Variants in PLEKHG1 observed in about 807,000 individuals in gnomAD.
PLEKHG1 encodes pleckstrin homology and RhoGEF domain containing G1.
A neutral mutation model predicts 100.8 loss-of-function variants in PLEKHG1; 44 were observed. The ratio of observed to expected loss-of-function variants is 0.44; its 90% CI spans 0.34 to 0.56. The LOEUF is 0.56. Among genes scored for constraint, PLEKHG1 ranks in the 20% least tolerant of loss-of-function variants. PLEKHG1 has a pLI of 0.01. For missense variants in PLEKHG1, 1,545 were observed against 1,720.9 expected (o/e 0.90, Z 1.81); for synonymous variants, 640 against 662.5 (o/e 0.97, Z 0.52).
chr6:150,779,062 A>G (rs181602086), intron 3 of PLEKHG1, among the ~76,000 whole-genome samples: 2 of 152,310 alleles, frequency 1.3e-5, no homozygotes, highest in East Asian at 1.9e-4. Context: ...GACTGTGGCC[A>G]TGCATTATTG....
At chr6:150,698,621 A>G (rs1780645140) in intron 3 of PLEKHG1, among the ~76,000 whole-genome samples, 1 of 152,330 alleles carries the variant, frequency 6.6e-6, no homozygotes, top group Middle Eastern at 3.4e-3. Flanking sequence ...GAAATGAAAC[A>G]AAACACAAGT....
intron 10 of PLEKHG1, among the ~76,000 whole-genome samples, chr6:150,813,602 C>G (rs115239579): frequency 0.023 from 3,530 of 152,226 alleles, 137 homozygotes; most frequent in African/African-American, 0.08. Context: ...GGAAAACCAG[C>G]TGGCGACAGA....
At chr6:150,814,960 T>G (rs1787777979) in intron 10 of PLEKHG1, among the ~76,000 whole-genome samples, 1 of 152,156 alleles carries the variant, frequency 6.6e-6, no homozygotes, top group Non-Finnish European at 1.5e-5. Context: ...CCTCAAGTGA[T>G]CCACCTGCCT....
At chr6:150,693,601 C>G (rs913160455) in intron 3 of PLEKHG1, among the ~76,000 whole-genome samples, 1 of 152,228 alleles carries the variant, frequency 6.6e-6, no homozygotes, top group Non-Finnish European at 1.5e-5. Flanking sequence ...ACCACTCCCC[C>G]ATGTGTTTCG....
chr6:150,717,204 G>A (rs1174928105), upstream of PLEKHG1, among the ~76,000 whole-genome samples: 3 of 150,786 alleles, frequency 2.0e-5, no homozygotes, highest in African/African-American at 7.3e-5. Flanking sequence ...GCTAATTTTT[G>A]TATTTTTTTT....
At chr6:150,655,707 C>CAAAA (rs775753925) in intron 3 of PLEKHG1, among the ~76,000 whole-genome samples, 21 of 38,340 alleles carry the variant, frequency 5.5e-4, no homozygotes, top group African/African-American at 1.4e-3. Context: ...GACTCCATCT[C>CAAAA]AAAAAAAAAA....
At chr6:150,663,037 A>ATGCTGACCTGCTGACCTGCTGACC (rs79245057) in intron 3 of PLEKHG1, 1 of 151,770 alleles carries the variant, frequency 6.6e-6, no homozygotes, top group Non-Finnish European at 1.5e-5. Context: ...TTGACATGAA[A>ATGCTGACCTGCTGACCTGCTGACC]TGCTGACCTG....
exon 10 of PLEKHG1, chr6:150,809,734 G>C: frequency 3.1e-6 from 5 of 1,607,900 alleles, no homozygotes; most frequent in Non-Finnish European, 4.3e-6. Context: ...TTCCAGCTAA[G>C]GTAGGACACT....
intron 3 of PLEKHG1, among the ~76,000 whole-genome samples, chr6:150,691,139 A>G (rs1326652522): frequency 6.6e-6 from 1 of 152,232 alleles, no homozygotes; most frequent in Non-Finnish European, 1.5e-5. Flanking sequence ...TTCACTTGGT[A>G]TAGTATTTTC....
At position 150,795,845 on chromosome 6, in the gene PLEKHG1, T is replaced by C; in HGVS notation, c.583-11T>C. 1.9e-6 allele frequency: 3 copies of C among 1,581,104 alleles called. No individual in the cohort carries two copies. The South Asian group carries it at 3.4e-5, about 18-fold the overall frequency. On this transcript the variant is annotated splice_polypyrimidine_tract_variant and intron_variant, in intron 4 of 15. Coordinates refer to ENST00000358517, the Ensembl canonical transcript of PLEKHG1. ...TTGTTGCCTATAAAAATTTCTTTTG[T>C]TTCCTTGCAGAGTGAAGAGTTCCAC...
exon 16 of PLEKHG1, chr6:150,840,321 T>C: frequency 6.2e-7 from 1 of 1,614,192 alleles, no homozygotes; most frequent in Non-Finnish European, 8.5e-7. Context: ...ATCAATGGAT[T>C]CCATCAACTA....
chr6:150,668,556 C>G (rs747471616), intron 3 of PLEKHG1, among the ~76,000 whole-genome samples: 1 of 152,134 alleles, frequency 6.6e-6, no homozygotes, highest in East Asian at 1.9e-4. Context: ...TTTGATCTGT[C>G]GAAACATAGT....
intron 1 of PLEKHG1, among the ~76,000 whole-genome samples, chr6:150,603,091 A>AAAAAG (rs1315270419): frequency 1.6e-5 from 2 of 128,226 alleles, no homozygotes; most frequent in Non-Finnish European, 3.7e-5. Flanking sequence ...AAAAAAAAAA[A>AAAAAG]AATAAAAAAA....
intron 14 of PLEKHG1, among the ~76,000 whole-genome samples, chr6:150,824,740 C>T (rs544643805): frequency 1.5e-4 from 23 of 152,152 alleles, no homozygotes; most frequent in South Asian, 1.2e-3. Context: ...AAGTTGGCAA[C>T]GCCAGTCTGG....
intron 10 of PLEKHG1, among the ~76,000 whole-genome samples, chr6:150,812,257 G>A (rs767085810): frequency 5.3e-5 from 8 of 152,138 alleles, no homozygotes; most frequent in Non-Finnish European, 1.2e-4. Flanking sequence ...GGCAGTAATT[G>A]AAGCCCTAAG....
intron 3 of PLEKHG1, among the ~76,000 whole-genome samples, chr6:150,689,980 C>T (rs946561267): frequency 6.6e-6 from 1 of 152,090 alleles, no homozygotes; most frequent in South Asian, 2.1e-4. Flanking sequence ...TTGTTTCCCA[C>T]TCCATAGAAT....
At chr6:150,809,789 A>C (rs1488660070) in intron 10 of PLEKHG1, 55 bp downstream of exon 11, 1 of 1,358,748 alleles carries the variant, frequency 7.4e-7, no homozygotes, top group Non-Finnish European at 1.0e-6. Flanking sequence ...GAATCATTTG[A>C]ACCTGGGAGG....
chr6:150,601,934 C>A (rs1776374478), intron 1 of PLEKHG1, among the ~76,000 whole-genome samples: 1 of 152,178 alleles, frequency 6.6e-6, no homozygotes, highest in African/African-American at 2.4e-5. Flanking sequence ...TCACCGAATA[C>A]AGGCTTAAAT....
chr6:150,794,287 GA>G (rs1054804744), intron 4 of PLEKHG1, among the ~76,000 whole-genome samples: 5 of 151,854 alleles, frequency 3.3e-5, no homozygotes, highest in African/African-American at 7.3e-5. Context: ...ATTTTAAAAA[GA>G]AAAAAAGGAA....
Sources: gnomAD v4.1 joint callset for allele counts (sites outside exome capture counted in the v4.1 genomes callset) on GRCh38, gnomAD v4.1.1 for gene constraint, MANE v1.5 for transcripts, NCBI Gene and HGNC (gene_info 2026-07-23, HGNC 2026-07-21) for gene names.